Variants in ITGA11 observed in about 807,000 individuals in gnomAD.
ITGA11 encodes integrin subunit alpha 11.
In ITGA11, 97 loss-of-function variants were observed where a neutral mutation model predicts 141.9. The ratio of observed to expected loss-of-function variants is 0.68; its 90% CI spans 0.58 to 0.81. The LOEUF (loss-of-function observed/expected upper bound fraction) is 0.81, where lower values mean the gene tolerates loss of function less well. Among genes scored for constraint, ITGA11 ranks in the 30% least tolerant of loss-of-function variants. The pLI is 0.00. For synonymous variants in ITGA11, 658 were observed against 624.6 expected, an observed-to-expected ratio of 1.05 and a Z score of -0.80; for missense variants, 1,387 against 1,559.2, an observed-to-expected ratio of 0.89 and a Z score of 1.86.
chr15:68,361,854 T>C (rs1440145031), intron 4 of ITGA11, 150 bp from the exon 5 acceptor site: 1 of 604,954 alleles, frequency 1.7e-6, no homozygotes, highest in East Asian at 2.8e-5. Flanking sequence ...TGGGTCTAAC[T>C]GAACTCTCTC....
intron 2 of ITGA11, among the ~76,000 whole-genome samples, chr15:68,376,119 C>G (rs1895720796): frequency 6.6e-6 from 1 of 152,294 alleles, no homozygotes; most frequent in South Asian, 2.1e-4. Flanking sequence ...ATGGGGGAAA[C>G]AGAGGCATGG....
At chr15:68,397,471 A>AT (rs1460681812) in intron 2 of ITGA11, among the ~76,000 whole-genome samples, 1 of 99,652 alleles carries the variant, frequency 1.0e-5, no homozygotes. Flanking sequence ...TTAATATTTT[A>AT]AAAATATTAT....
intron 20 of ITGA11, among the ~76,000 whole-genome samples, chr15:68,317,982 G>T (rs921067670): frequency 1.3e-5 from 2 of 152,218 alleles, no homozygotes; most frequent in African/African-American, 4.8e-5. Flanking sequence ...GGACAAATAT[G>T]TAGGCTGCTG....
At chr15:68,330,105 C>G (rs1309895408) in intron 15 of ITGA11, among the ~76,000 whole-genome samples, 1 of 152,260 alleles carries the variant, frequency 6.6e-6, no homozygotes, top group Non-Finnish European at 1.5e-5. Context: ...ACTTCTGCTT[C>G]TAGGATTGCT....
chr15:68,334,378 C>G (rs930695834), intron 12 of ITGA11, among the ~76,000 whole-genome samples: 1 of 152,186 alleles, frequency 6.6e-6, no homozygotes, highest in Non-Finnish European at 1.5e-5. Flanking sequence ...GAATTGCTTG[C>G]CCAAGGTCAG....
intron 2 of ITGA11, among the ~76,000 whole-genome samples, chr15:68,374,260 T>C (rs1401331360): frequency 6.6e-6 from 1 of 152,244 alleles, no homozygotes; most frequent in Non-Finnish European, 1.5e-5. Context: ...AACTTTCCCC[T>C]GGCCTAGCCT....
intron 24 of ITGA11, 147 bp from the exon 25 acceptor site, chr15:68,311,550 A>G (rs1893386168): frequency 1.6e-6 from 1 of 623,348 alleles, no homozygotes. Flanking sequence ...TGTTTTCACC[A>G]TGGAAGCTCC....
chr15:68,312,478 A>G (rs1046721147), intron 24 of ITGA11, among the ~76,000 whole-genome samples: 14 of 152,190 alleles, frequency 9.2e-5, no homozygotes, highest in African/African-American at 2.9e-4. Flanking sequence ...GGCTTCTTTT[A>G]TGGGAGAGAG....
Position 68,335,906 on chromosome 15 carries a change from C to T in ITGA11, c.1277-61G>A. 1.9e-6 allele frequency: 3 copies of T among 1,563,640 alleles called. No homozygotes were observed. The highest frequency in any genetic ancestry group is 2.6e-6 in the Non-Finnish European group (3 of 1,152,380). On this transcript the variant is annotated intron_variant, in intron 11 of 29. Transcript: ENST00000315757. This position sits in a 1 kb window ranked among gnomAD's most constrained non-coding sequence, Gnocchi z 4.9. Reference sequence around the variant, plus strand: ...GTGTCCTCAGCAGGCGTTGCTTGGCCCGGTGCATGGCTTGGCAGTGCCAGA... The same window carrying T: ...GTGTCCTCAGCAGGCGTTGCTTGGCTCGGTGCATGGCTTGGCAGTGCCAGA...
At chr15:68,379,181 C>T (rs1895800398) in intron 2 of ITGA11, among the ~76,000 whole-genome samples, 1 of 152,230 alleles carries the variant, frequency 6.6e-6, no homozygotes, top group South Asian at 2.1e-4. Flanking sequence ...TGCACTCTCT[C>T]CTTCCCACCT....
rs1401223615 is a variant in ITGA11, at chr15:68,307,586, T to A, written c.3285A>T (p.Ala1095=). 6.2e-7 allele frequency: 1 copy of A among 1,609,038 alleles called. No homozygotes were observed. The highest frequency in any genetic ancestry group is 1.7e-5 in the Admixed American group (1 of 59,794). ...LGNLWLRSLK[A]LKYKSMKIMV... ...AGCCCAGCCCAGGGGCTCTACTTAC[T>A]GCTTTTAGGGACCTCAACCACAGGT... The change falls in exon 27 of 30, where the codon GCA becomes GCT. Residue 1095 remains alanine (A), a splice_region_variant and synonymous_variant. Coordinates refer to ENST00000315757, the MANE Select transcript of ITGA11 (RefSeq NM_001004439.2). The surrounding 1 kb of genome is among the most constrained non-coding windows in gnomAD (Gnocchi z 6.1).
At chr15:68,429,918 T>C (rs771278152) in intron 1 of ITGA11, among the ~76,000 whole-genome samples, 1 of 152,210 alleles carries the variant, frequency 6.6e-6, no homozygotes, top group Non-Finnish European at 1.5e-5. Context: ...CTGGCTGAAA[T>C]TGAACTTCTC....
At position 68,297,449 on chromosome 15, in the gene ITGA11, T is replaced by C. The variant is rs936536291; in HGVS notation, c.*5610A>G. ...CTTCTGAGCTTTTTTTTTTTTTTTT[T>C]TTTTATCCAAAAGAAAGCTATGTCT... On this transcript the variant is annotated 3_prime_UTR_variant, in exon 30 of 30. Coordinates refer to ENST00000315757, the MANE Select transcript of ITGA11 (RefSeq NM_001004439.2). 2 of 151,218 alleles carry C rather than the reference T, an allele frequency of 1.3e-5. No individual in the cohort carries two copies. Among genetic ancestry groups the C allele is most frequent in the African/African-American group, 4.8e-5 (2 of 41,290 alleles). The allele number at this position is 151,218 out of a possible 1,614,324, so 9.4% of individuals were successfully genotyped here.
Position 68,321,511 on chromosome 15 carries a change from A to T in ITGA11, c.2323-8T>A. 1 of 1,588,840 alleles carries T rather than the reference A, an allele frequency of 6.3e-7. No individual in the cohort carries two copies. Among genetic ancestry groups the T allele is most frequent in the Non-Finnish European group, 8.6e-7 (1 of 1,166,826 alleles). ...GCCGTTCCAGAAGGGCACCTGGGCCAGGGAGAGCCAGGTGTGGGCAGCTGG... is the reference window on the plus strand; with the variant it reads ...GCCGTTCCAGAAGGGCACCTGGGCCTGGGAGAGCCAGGTGTGGGCAGCTGG... On this transcript the variant is annotated splice_polypyrimidine_tract_variant and splice_region_variant and intron_variant, in intron 18 of 29. Coordinates refer to ENST00000315757, the MANE Select transcript of ITGA11 (RefSeq NM_001004439.2). This position sits in a 1 kb window ranked among gnomAD's most constrained non-coding sequence, Gnocchi z 4.9.
chr15:68,321,487 C>T lies in ITGA11; in HGVS notation c.2339G>A (p.Gly780Asp). The change falls in exon 19 of 30, where the codon GGC (glycine) becomes GAC (aspartate). Residue 780 changes from glycine (G) to aspartate (D), a missense_variant. By Grantham distance (94) the Gly-to-Asp change is moderately conservative (BLOSUM62 -1). Transcript: ENST00000315757. This position sits in a 1 kb window ranked among gnomAD's most constrained non-coding sequence, Gnocchi z 4.9. The part of the protein sequence containing the change: ...TLRVSVPFWN[G>D]CNEDEHCVPD... Reference sequence around the variant, plus strand: ...GACACAGTGCTCATCCTCATTGCAGCCGTTCCAGAAGGGCACCTGGGCCAG... The same window carrying T: ...GACACAGTGCTCATCCTCATTGCAGTCGTTCCAGAAGGGCACCTGGGCCAG... 1 of 1,595,090 alleles carries T rather than the reference C, an allele frequency of 6.3e-7. No homozygotes were observed. The highest frequency in any genetic ancestry group is 8.5e-7 in the Non-Finnish European group (1 of 1,170,766).
chr15:68,357,097 C>A, intron 7 of ITGA11, 54 bp downstream of exon 7: 1 of 1,543,918 alleles, frequency 6.5e-7, no homozygotes. Flanking sequence ...CAATAGATAA[C>A]TACAATAGCA....
At chr15:68,349,406 T>C (rs1370096192) in intron 9 of ITGA11, among the ~76,000 whole-genome samples, 1 of 152,218 alleles carries the variant, frequency 6.6e-6, no homozygotes, top group Non-Finnish European at 1.5e-5. Flanking sequence ...CCATGAGTGC[T>C]GAAAGCCTCT....
intron 2 of ITGA11, among the ~76,000 whole-genome samples, chr15:68,377,761 TA>T (rs1895764340): frequency 6.6e-6 from 1 of 152,236 alleles, no homozygotes; most frequent in Non-Finnish European, 1.5e-5. Context: ...ATTTCTGTGT[TA>T]ATATCTATCA....
At chr15:68,379,779 T>A (rs1895815388) in intron 2 of ITGA11, among the ~76,000 whole-genome samples, 1 of 152,248 alleles carries the variant, frequency 6.6e-6, no homozygotes, top group South Asian at 2.1e-4. Context: ...CTTTCCACTT[T>A]ATAGCAGCTT....
Sources: allele counts gnomAD v4.1 joint callset (sites outside exome capture counted in the v4.1 genomes callset), GRCh38; gene constraint gnomAD v4.1.1; non-coding constraint Gnocchi (gnomAD v3.1); transcripts MANE v1.5; gene names NCBI Gene and HGNC (gene_info 2026-07-23, HGNC 2026-07-21).